FAM131C: variants seen among roughly 807,000 people sequenced by gnomAD.
FAM131C encodes family with sequence similarity 131 member C.
A neutral mutation model predicts 29.8 loss-of-function variants in FAM131C; 14 were observed. That is an observed-to-expected ratio of 0.47 (90% CI 0.31 to 0.73). FAM131C has a LOEUF of 0.73. Ranked by LOEUF, FAM131C falls within the 30% of genes least tolerant of loss-of-function variation. FAM131C has a pLI of 0.05. For missense variants in FAM131C, 252 were observed against 383.8 expected (o/e 0.66, Z 2.87); for synonymous variants, 86 against 157.8 (o/e 0.54, Z 3.41).
In FAM131C at chr1:16,073,631, C is replaced by G. The variant is rs899847819; in HGVS notation, c.-189G>C. The G allele has an allele frequency of 4.5e-5, 8 of 179,670 alleles. No homozygotes were observed. Among genetic ancestry groups the G allele is most frequent in the African/African-American group, 1.9e-4 (8 of 41,870 alleles). 11.1% of individuals were successfully genotyped at this position (179,670 alleles called of 1,614,324 possible). On this transcript the variant is annotated 5_prime_UTR_variant, in exon 1 of 7. Transcript: ENST00000375662. ...CTGCCGCCGCGCCCGGCTCGCCTCGCGCCGCCGCCTCCCGCGCAGTGCCCG... is the reference window on the plus strand; with the variant it reads ...CTGCCGCCGCGCCCGGCTCGCCTCGGGCCGCCGCCTCCCGCGCAGTGCCCG...
At chr1:16,059,237 T>G (rs2023549034) in intron 6 of FAM131C, among the ~76,000 whole-genome samples, 1 of 79,214 alleles carries the variant, frequency 1.3e-5, no homozygotes, top group Non-Finnish European at 3.2e-5. Context: ...GAGGATTCTG[T>G]GAGGTGCCTC....
chr1:16,061,540 C>T (rs1366442531), intron 4 of FAM131C, among the ~76,000 whole-genome samples: 3 of 152,142 alleles, frequency 2.0e-5, no homozygotes, highest in African/African-American at 7.2e-5. Flanking sequence ...TAGTCCTCCC[C>T]AGGGGCAGCC....
At chr1:16,068,136 G>A (rs2023705334) in intron 1 of FAM131C, among the ~76,000 whole-genome samples, 1 of 152,240 alleles carries the variant, frequency 6.6e-6, no homozygotes, top group South Asian at 2.1e-4. Context: ...GCCAACCATT[G>A]CCCGGGTGTG....
At chr1:16,072,666 T>C (rs1420770861) in intron 1 of FAM131C, among the ~76,000 whole-genome samples, 1 of 152,048 alleles carries the variant, frequency 6.6e-6, no homozygotes, top group Non-Finnish European at 1.5e-5. Context: ...CCAATCTCTG[T>C]GCAAGACTGT....
intron 2 of FAM131C, 134 bp from the exon 3 acceptor site, chr1:16,062,668 TC>T (rs2023619585): frequency 7.6e-7 from 1 of 1,320,950 alleles, no homozygotes; most frequent in Non-Finnish European, 1.0e-6. Context: ...GTCTGCCCTC[TC>T]ATGGGTCATG....
rs1303225871 is a variant in FAM131C, at chr1:16,058,440, G to A, written c.840C>T (p.Asn280=). Reference sequence around the variant, plus strand: ...CTGGACCAGCACAGCCCCCACCTCAGTTATAGAACACCTCGTCCTCCTCCC... The same window carrying A: ...CTGGACCAGCACAGCCCCCACCTCAATTATAGAACACCTCGTCCTCCTCCC... ...SLWEEDEVFY[N] The change falls in exon 7 of 7, where the codon AAC becomes AAT. Residue 280 remains asparagine, a synonymous_variant. Transcript: ENST00000375662. 6.8e-7 allele frequency: 1 copy of A among 1,467,842 alleles called. No individual in the cohort carries two copies. The highest frequency in any genetic ancestry group is 2.8e-5 in the Admixed American group (1 of 36,190). 90.9% of individuals were successfully genotyped at this position (1,467,842 alleles called of 1,614,324 possible).
In FAM131C at chr1:16,063,509, G is replaced by T; in HGVS notation, c.138+12C>A. Reference sequence around the variant, plus strand: ...GGCGCAGGTAGCACAGGGATGAGGAGCAGCCAGTTACCTTGCCAATGACAC... The same window carrying T: ...GGCGCAGGTAGCACAGGGATGAGGATCAGCCAGTTACCTTGCCAATGACAC... On this transcript the variant is annotated intron_variant, in intron 2 of 6. Coordinates refer to ENST00000375662, the MANE Select transcript of FAM131C (RefSeq NM_182623.3). The T allele has an allele frequency of 6.2e-7, 1 of 1,601,220 alleles. No individual in the cohort carries two copies. Among genetic ancestry groups the T allele is most frequent in the Non-Finnish European group, 8.6e-7 (1 of 1,168,546 alleles).
chr1:16,064,139 C>T (rs566377258), intron 1 of FAM131C, among the ~76,000 whole-genome samples: 101 of 152,162 alleles, frequency 6.6e-4, no homozygotes, highest in African/African-American at 2.4e-3. Flanking sequence ...TCCCGTGGGA[C>T]GCTGCCCGGA....
chr1:16,066,138 C>T (rs566428400), intron 1 of FAM131C, among the ~76,000 whole-genome samples: 12 of 152,298 alleles, frequency 7.9e-5, no homozygotes, highest in South Asian at 4.1e-4. Flanking sequence ...CCGCCTGCCT[C>T]GGCCTTCCAA....
intron 1 of FAM131C, among the ~76,000 whole-genome samples, chr1:16,071,262 CAG>C (rs2023746079): frequency 6.6e-6 from 1 of 152,240 alleles, no homozygotes; most frequent in African/African-American, 2.4e-5. Context: ...GCTGTGAGTG[CAG>C]AGACTGAGGC....
At chr1:16,072,249 G>T (rs572611536) in intron 1 of FAM131C, among the ~76,000 whole-genome samples, 236 of 152,262 alleles carry the variant, frequency 1.5e-3, no homozygotes, top group Non-Finnish European at 3.0e-3. Flanking sequence ...CCCCAGCCGG[G>T]ATTCCACCCC....
In FAM131C at chr1:16,073,577, G is replaced by A; in HGVS notation, c.-135C>T. On this transcript the variant is annotated 5_prime_UTR_variant, in exon 1 of 7. Transcript: ENST00000375662. ...CGGGGGGCTCGGGCGCCCTCAGCTC[G>A]GCCTCAGCTCCAGCCTGGGTCGTCC... 1 of 327,650 alleles carries A rather than the reference G, an allele frequency of 3.1e-6. No homozygotes were observed. Among genetic ancestry groups the A allele is most frequent in the Non-Finnish European group, 5.0e-6 (1 of 200,356 alleles). 20.3% of individuals were successfully genotyped at this position (327,650 alleles called of 1,614,324 possible). A position where few individuals can be genotyped will look rare whatever the true frequency, so the allele number is the denominator to read the frequency against.
At chr1:16,063,992 G>C (rs1488209654) in intron 1 of FAM131C, among the ~76,000 whole-genome samples, 1 of 151,964 alleles carries the variant, frequency 6.6e-6, no homozygotes, top group Non-Finnish European at 1.5e-5. Flanking sequence ...CCCTGGCATG[G>C]CCTCTGAGCT....
chr1:16,060,706 G>A (rs1270041390), intron 4 of FAM131C, among the ~76,000 whole-genome samples: 1 of 152,216 alleles, frequency 6.6e-6, no homozygotes, highest in African/African-American at 2.4e-5. Flanking sequence ...ATTAGCTGGG[G>A]TGAAACATGG....
chr1:16,073,304 G>A, intron 1 of FAM131C, 117 bp downstream of exon 1: 1 of 494,752 alleles, frequency 2.0e-6, no homozygotes. Flanking sequence ...GTCCCCAGGG[G>A]TGCGGCGGGG....
In FAM131C at chr1:16,057,901, G is replaced by T. The variant is rs1186003044; in HGVS notation, c.*536C>A. 5 of 157,646 alleles carry T rather than the reference G, an allele frequency of 3.2e-5. No individual in the cohort carries two copies. The highest frequency in any genetic ancestry group is 1.2e-4 in the African/African-American group (5 of 41,398). 9.8% of individuals were successfully genotyped at this position (157,646 alleles called of 1,614,324 possible). A position where few individuals can be genotyped will look rare whatever the true frequency, so the allele number is the denominator to read the frequency against. On this transcript the variant is annotated 3_prime_UTR_variant, in exon 7 of 7. Transcript: ENST00000375662. ...GAGGAAGCAGGTTCAGAGAGGGAGG[G>T]ACAGACAGACAGACACTCCAGAGAG...
chr1:16,071,091 C>T (rs1395991810), intron 1 of FAM131C, among the ~76,000 whole-genome samples: 2 of 152,246 alleles, frequency 1.3e-5, no homozygotes, highest in East Asian at 3.9e-4. Context: ...TCCACCCTTC[C>T]TTCTGTAGCA....
Position 16,058,551 on chromosome 1 carries a change from A to T in FAM131C, c.729T>A (p.His243Gln). 6.5e-7 allele frequency: 1 copy of T among 1,531,548 alleles called. No individual in the cohort carries two copies. The highest frequency in any genetic ancestry group is 2.4e-5 in the East Asian group (1 of 40,992). The allele number at this position is 1,531,548 out of a possible 1,614,324, so 94.9% of individuals were successfully genotyped here. Residue 243 changes from histidine (H) to glutamine (Q), a missense_variant, in exon 7 of 7, where the codon CAT (histidine) becomes CAA (glutamine). Transcript: ENST00000375662. ...IPQPPSPELQHRRRLPGAQGP... is the reference protein window; with the variant it reads ...IPQPPSPELQQRRRLPGAQGP... ...CTTGGGCCCCGGGCAGCCGCCGCCGATGCTGCAGCTCTGGGCTGGGGGGCT... is the reference window on the plus strand; with the variant it reads ...CTTGGGCCCCGGGCAGCCGCCGCCGTTGCTGCAGCTCTGGGCTGGGGGGCT...
chr1:16,061,168 T>A (rs1439200882), intron 4 of FAM131C, among the ~76,000 whole-genome samples: 2 of 151,136 alleles, frequency 1.3e-5, no homozygotes, highest in Non-Finnish European at 3.0e-5. Context: ...AAGATGGGGG[T>A]ACGGAAGAAA....
Sources: gnomAD v4.1 joint callset for allele counts (sites outside exome capture counted in the v4.1 genomes callset) on GRCh38, gnomAD v4.1.1 for gene constraint, MANE v1.5 for transcripts, NCBI Gene and HGNC (gene_info 2026-07-23, HGNC 2026-07-21) for gene names.